NRCAM: variants seen among roughly 807,000 people sequenced by gnomAD.
NRCAM encodes NgCAM-related cell adhesion molecule.
A neutral mutation model predicts 156.5 loss-of-function variants in NRCAM; 83 were observed. That is an observed-to-expected ratio of 0.53 (90% CI 0.44 to 0.64). NRCAM has a LOEUF of 0.64. NRCAM is among the 30% of genes least tolerant of loss of function. NRCAM has a pLI of 0.00. For synonymous variants in NRCAM, 538 were observed against 563.9 expected (o/e 0.95, Z 0.65); for missense variants, 1,417 against 1,597.3 (o/e 0.89, Z 1.92).
intron 11 of NRCAM, among the ~76,000 whole-genome samples, chr7:108,210,669 G>C (rs868054897): frequency 3.3e-5 from 5 of 152,152 alleles, no homozygotes; most frequent in Admixed American, 6.5e-5. Context: ...TTGAGGCTTA[G>C]TTTCCTTAGT....
At position 108,207,652 on chromosome 7, in the gene NRCAM, T is replaced by C. The variant is rs192499544; in HGVS notation, c.1083A>G (p.Pro361=). The C allele has an allele frequency of 5.2e-5, 83 of 1,607,858 alleles. No homozygotes were observed. The East Asian group carries it at 1.7e-3, about 33-fold the overall frequency. The part of the protein sequence containing the change: ...HTISVRVKAA[P]YWITAPQNLV... ...GATTTTGAGGGGCTGTGATCCAGTA[T>C]GGAGCCGCTTTATAGGAGGAAGAAA... The change falls in exon 13 of 33, where the codon CCA becomes CCG. Residue 361 remains proline (P), a synonymous_variant. Transcript: ENST00000379028.
intron 3 of NRCAM, among the ~76,000 whole-genome samples, chr7:108,289,677 T>C (rs1351896860): frequency 6.6e-6 from 1 of 152,186 alleles, no homozygotes; most frequent in African/African-American, 2.4e-5. Context: ...ATTCAGGCTT[T>C]ATTTAAAGCC....
intron 3 of NRCAM, among the ~76,000 whole-genome samples, chr7:108,288,458 A>T (rs1163420060): frequency 6.6e-6 from 1 of 152,150 alleles, no homozygotes; most frequent in Non-Finnish European, 1.5e-5. Context: ...AATGTACATC[A>T]GTGTAGTATT....
chr7:108,448,460 C>T (rs1016269287), intron 1 of NRCAM, among the ~76,000 whole-genome samples: 4 of 152,160 alleles, frequency 2.6e-5, no homozygotes, highest in East Asian at 1.9e-4. Flanking sequence ...GTCAAAGATG[C>T]GAAAGCAAAA....
intron 3 of NRCAM, among the ~76,000 whole-genome samples, chr7:108,257,462 A>G (rs1314195087): frequency 2.0e-5 from 3 of 152,214 alleles, no homozygotes; most frequent in South Asian, 4.1e-4. Context: ...GCTTTCAAAT[A>G]TAATACTCTA....
Position 108,447,035 on chromosome 7 carries a change from C to T in NRCAM, c.-332+9208G>A, listed in dbSNP as rs1040974970. On this transcript the variant is annotated intron_variant, in intron 1 of 32. Coordinates refer to ENST00000379028, the MANE Select transcript of NRCAM (RefSeq NM_001037132.4). Reference sequence around the variant, plus strand: ...AGCCACCACACCCAGACCCACCTGTCTACCTCTTTACTAATTTTTATTCAG... The same window carrying T: ...AGCCACCACACCCAGACCCACCTGTTTACCTCTTTACTAATTTTTATTCAG... Among the ~76,000 whole-genome samples, 9 of 152,046 alleles carry T rather than the reference C, an allele frequency of 5.9e-5. No homozygotes were observed. The East Asian group carries it at 1.7e-3, about 29-fold the overall frequency.
chr7:108,305,656 T>C (rs2098704761), intron 3 of NRCAM, among the ~76,000 whole-genome samples: 1 of 152,200 alleles, frequency 6.6e-6, no homozygotes. Flanking sequence ...CTTTATTCAG[T>C]ACAGTATCAA....
chr7:108,161,554 T>C (rs746241871), intron 30 of NRCAM, among the ~76,000 whole-genome samples: 2 of 152,224 alleles, frequency 1.3e-5, no homozygotes, highest in Non-Finnish European at 2.9e-5. Flanking sequence ...TTCTTTTGAC[T>C]CTATAAGCAT....
At chr7:108,422,620 T>C (rs1403961581) in intron 1 of NRCAM, among the ~76,000 whole-genome samples, 1 of 152,120 alleles carries the variant, frequency 6.6e-6, no homozygotes, top group Non-Finnish European at 1.5e-5. Context: ...ATAATGGGGT[T>C]TCTCAATCAA....
intron 3 of NRCAM, among the ~76,000 whole-genome samples, chr7:108,262,558 C>T (rs2096926025): frequency 6.6e-6 from 1 of 152,194 alleles, no homozygotes; most frequent in Non-Finnish European, 1.5e-5. Flanking sequence ...AATCTTTCTA[C>T]AGCATGGGAA....
At chr7:108,324,535 G>C (rs1311155627) in intron 2 of NRCAM, among the ~76,000 whole-genome samples, 2 of 152,070 alleles carry the variant, frequency 1.3e-5, no homozygotes, top group Admixed American at 1.3e-4. Context: ...CAAATGACTT[G>C]ACAGGATTCT....
intron 30 of NRCAM, among the ~76,000 whole-genome samples, chr7:108,166,456 C>CA (rs2054331553): frequency 6.6e-6 from 1 of 151,982 alleles, no homozygotes; most frequent in Non-Finnish European, 1.5e-5. Flanking sequence ...TCATGTTGGC[C>CA]AGGCTGGTCT....
At chr7:108,306,081 C>T (rs1592602803) in intron 3 of NRCAM, among the ~76,000 whole-genome samples, 1 of 152,114 alleles carries the variant, frequency 6.6e-6, no homozygotes, top group East Asian at 1.9e-4. Context: ...ATTATTATTA[C>T]TGAAATAACA....
intron 2 of NRCAM, among the ~76,000 whole-genome samples, chr7:108,384,951 T>C (rs2267891): frequency 0.19 from 28,370 of 152,168 alleles, 3,445 homozygotes; most frequent in South Asian, 0.37. Context: ...CCAAGTGCTT[T>C]ATGAAGTGTG....
intron 2 of NRCAM, among the ~76,000 whole-genome samples, chr7:108,345,387 T>G (rs972319528): frequency 1.3e-5 from 2 of 152,150 alleles, no homozygotes; most frequent in African/African-American, 4.8e-5. Flanking sequence ...ATCTAAATAT[T>G]AAAGCGGTTC....
At chr7:108,378,873 GA>G (rs377154779) in intron 2 of NRCAM, among the ~76,000 whole-genome samples, 64 of 147,982 alleles carry the variant, frequency 4.3e-4, no homozygotes, top group African/African-American at 1.3e-3. Flanking sequence ...ACAAAGGAGA[GA>G]AAAAAAAAAT....
chr7:108,341,181 C>T (rs1293525145), intron 2 of NRCAM, among the ~76,000 whole-genome samples: 1 of 152,208 alleles, frequency 6.6e-6, no homozygotes, highest in Non-Finnish European at 1.5e-5. Context: ...CCCCAGGGGA[C>T]AAAGGTCCTC....
chr7:108,347,704 G>A (rs1356996987), intron 2 of NRCAM, among the ~76,000 whole-genome samples: 1 of 152,194 alleles, frequency 6.6e-6, no homozygotes, highest in Non-Finnish European at 1.5e-5. Context: ...CTGATGAGGG[G>A]TTCCTTTAAG....
At chr7:108,244,011 G>T (rs996724755) in intron 3 of NRCAM, among the ~76,000 whole-genome samples, 31 of 152,200 alleles carry the variant, frequency 2.0e-4, no homozygotes, top group African/African-American at 7.5e-4. Flanking sequence ...TTTGACAAAG[G>T]ATTCACATCA....
Sources: allele counts gnomAD v4.1 joint callset (sites outside exome capture counted in the v4.1 genomes callset), GRCh38; gene constraint gnomAD v4.1.1; transcripts MANE v1.5; gene names NCBI Gene and HGNC (gene_info 2026-07-23, HGNC 2026-07-21).